DHX8: variants seen among roughly 807,000 people sequenced by gnomAD.
DHX8 encodes DEAH-box helicase 8, also known as ATP-dependent RNA helicase DHX8.
A neutral mutation model predicts 140.7 loss-of-function variants in DHX8; 67 were observed. The ratio of observed to expected loss-of-function variants is 0.48; its 90% CI spans 0.39 to 0.58. The LOEUF (loss-of-function observed/expected upper bound fraction) is 0.58. Among genes scored for constraint, DHX8 ranks in the 20% least tolerant of loss-of-function variants. DHX8 has a pLI of 0.00. For synonymous variants in DHX8, 533 were observed against 553.2 expected, an observed-to-expected ratio of 0.96 and a Z score of 0.51; for missense variants, 887 against 1,550.7, an observed-to-expected ratio of 0.57 and a Z score of 7.19.
intron 12 of DHX8, among the ~76,000 whole-genome samples, chr17:43,506,549 G>A (rs867295405): frequency 6.6e-6 from 1 of 151,512 alleles, no homozygotes; most frequent in South Asian, 2.1e-4. Context: ...AATCCGGAAG[G>A]TGGAGGTTGC....
chr17:43,542,374 C>G (rs868774678), intron 3 of DHX8, among the ~76,000 whole-genome samples: 5 of 152,120 alleles, frequency 3.3e-5, no homozygotes, highest in Non-Finnish European at 7.3e-5. Flanking sequence ...GTCAATGGCC[C>G]TTACTACCAA....
At chr17:43,543,587 A>G (rs1971638845) in intron 3 of DHX8, among the ~76,000 whole-genome samples, 1 of 152,132 alleles carries the variant, frequency 6.6e-6, no homozygotes, top group African/African-American at 2.4e-5. Flanking sequence ...GAAGTCTTTG[A>G]GAGCCCACGG....
At chr17:43,541,944 T>G (rs1202794070) in intron 3 of DHX8, among the ~76,000 whole-genome samples, 2 of 152,176 alleles carry the variant, frequency 1.3e-5, no homozygotes, top group African/African-American at 4.8e-5. Flanking sequence ...CCAGTGTACA[T>G]GCACTCGGAC....
chr17:43,529,987 G>A (rs369145587), downstream of DHX8: 250 of 1,613,730 alleles, frequency 1.5e-4, no homozygotes, highest in Non-Finnish European at 2.0e-4. Context: ...TCAGATCTGG[G>A]GGTTCACCGA....
chr17:43,530,220 G>A, downstream of DHX8: 1 of 1,552,050 alleles, frequency 6.4e-7, no homozygotes, highest in Non-Finnish European at 8.7e-7. Flanking sequence ...AGTGGCTTGG[G>A]GTGGAGCTCG....
intron 7 of DHX8, 35 bp from the exon 8 acceptor site, chr17:43,493,648 G>C: frequency 2.5e-6 from 4 of 1,614,042 alleles, no homozygotes; most frequent in Non-Finnish European, 3.4e-6. Context: ...GAAGAGGACA[G>C]CAAGTGAGAC....
At chr17:43,528,726 G>T (rs556620242), downstream of DHX8, 1 of 1,614,092 alleles carries the variant, frequency 6.2e-7, no homozygotes, top group African/African-American at 1.3e-5. Flanking sequence ...ACTTGTACAC[G>T]TAACGCTCAC....
In DHX8 at chr17:43,484,141, G is replaced by A; in HGVS notation, c.104G>A (p.Cys35Tyr). Reference protein sequence around the residue: ...LEYLSLVSKVCTELDNHLGIN... With the variant: ...LEYLSLVSKVYTELDNHLGIN... ...TACCTGTCTTTGGTGTCAAAGGTTT[G>A]CACTGAGCTGGACAATCACTTGGGG... is the stretch of plus-strand genomic sequence containing the variant. Residue 35 changes from cysteine (C) to tyrosine (Y), a missense_variant, in exon 1 of 23, where the codon TGC becomes TAC. Transcript: ENST00000262415. The A allele has an allele frequency of 6.2e-7, 1 of 1,614,170 alleles. No homozygotes were observed. The highest frequency in any genetic ancestry group is 8.5e-7 in the Non-Finnish European group (1 of 1,180,028).
At chr17:43,498,208 G>A (rs904835619) in intron 9 of DHX8, among the ~76,000 whole-genome samples, 11 of 151,480 alleles carry the variant, frequency 7.3e-5, no homozygotes, top group Non-Finnish European at 1.0e-4. Flanking sequence ...GCAGTGGCAC[G>A]GTCTTGGCTC....
downstream of DHX8, among the ~76,000 whole-genome samples, chr17:43,531,625 A>G (rs1970941051): frequency 6.6e-6 from 1 of 152,094 alleles, no homozygotes. Flanking sequence ...AATCGCTTGA[A>G]CCCAGTGGCA....
chr17:43,528,113 C>T (rs911221357), downstream of DHX8: 9 of 238,778 alleles, frequency 3.8e-5, no homozygotes, highest in Non-Finnish European at 6.6e-5. Flanking sequence ...TCTGTCTCCC[C>T]GCAGTGGGAG....
chr17:43,541,582 T>C (rs1396404026), intron 3 of DHX8, among the ~76,000 whole-genome samples: 2 of 152,016 alleles, frequency 1.3e-5, no homozygotes, highest in Non-Finnish European at 2.9e-5. Context: ...CAAGCTGGAT[T>C]CTGGAAGAAC....
intron 9 of DHX8, 103 bp from the exon 10 acceptor site, chr17:43,498,759 G>A: frequency 1.1e-6 from 1 of 936,820 alleles, no homozygotes; most frequent in Non-Finnish European, 1.6e-6. Context: ...AGGGGAAGCT[G>A]TTTTTGATAA....
intron 1 of DHX8, among the ~76,000 whole-genome samples, chr17:43,484,715 C>G (rs887293238): frequency 5.3e-5 from 8 of 152,184 alleles, no homozygotes; most frequent in Non-Finnish European, 1.2e-4. Context: ...GATCTCGGCT[C>G]ACTGCAGCCT....
At chr17:43,500,629 G>A (rs9894264) in intron 11 of DHX8, among the ~76,000 whole-genome samples, 33,903 of 151,894 alleles carry the variant, frequency 0.22, 4,010 homozygotes, top group East Asian at 0.32. Flanking sequence ...CTTTAAAAAT[G>A]TTATTCTAGC....
Position 43,507,011 on chromosome 17 carries a change from T to C in DHX8, c.1737T>C (p.His579=). ...TATTCTGTTGCTTTCAGGCCGTCCA[T>C]GACAATCAGATCCTGATTGTCATTG... is the stretch of plus-strand genomic sequence containing the variant. ...KLKEQLVQAV[H]DNQILIVIGE... is the part of the protein sequence containing the mutation. The change falls in exon 13 of 23, where the codon CAT becomes CAC. Residue 579 remains histidine, a synonymous_variant. Transcript: ENST00000262415. 1.9e-6 allele frequency: 3 copies of C among 1,599,914 alleles called. No individual in the cohort carries two copies. Among genetic ancestry groups the C allele is most frequent in the Non-Finnish European group, 2.6e-6 (3 of 1,173,052 alleles).
At chr17:43,517,385 G>T in intron 18 of DHX8, 63 bp downstream of exon 18, 1 of 1,537,386 alleles carries the variant, frequency 6.5e-7, no homozygotes, top group South Asian at 1.2e-5. Flanking sequence ...CTTCATAAAT[G>T]AATTTCAGTT....
At chr17:43,522,332 G>A in intron 22 of DHX8, 106 bp downstream of exon 22, 1 of 1,089,120 alleles carries the variant, frequency 9.2e-7, no homozygotes, top group Non-Finnish European at 1.3e-6. Context: ...GTATGTCCTA[G>A]TATAACACTG....
chr17:43,530,926 A>G (rs570639674), downstream of DHX8, among the ~76,000 whole-genome samples: 3 of 152,200 alleles, frequency 2.0e-5, no homozygotes, highest in South Asian at 2.1e-4. Flanking sequence ...CATTTTGTGA[A>G]TGGAATTCCT....
Sources: allele counts gnomAD v4.1 joint callset (sites outside exome capture counted in the v4.1 genomes callset), GRCh38; gene constraint gnomAD v4.1.1; transcripts MANE v1.5; gene names NCBI Gene and HGNC (gene_info 2026-07-23, HGNC 2026-07-21).